Variants in PEX7 observed in about 807,000 individuals in gnomAD.
PEX7 encodes the protein peroxisomal biogenesis factor 7.
PEX7 carries 34 observed loss-of-function variants against 47.5 expected under a neutral mutation model. The observed-to-expected ratio is 0.72, with a 90% confidence interval of 0.54 to 0.95. The LOEUF is 0.95. Ranked by LOEUF, PEX7 falls within the 40% of genes least tolerant of loss-of-function variation. PEX7 has a pLI of 0.00. For missense variants in PEX7, 394 were observed against 400.3 expected (o/e 0.98, Z 0.13); for synonymous variants, 141 against 148.8 (o/e 0.95, Z 0.38).
intron 8 of PEX7, among the ~76,000 whole-genome samples, chr6:136,877,809 A>C (rs947778731): frequency 3.9e-5 from 6 of 152,164 alleles, no homozygotes; most frequent in African/African-American, 1.4e-4. Flanking sequence ...TCCATATGAA[A>C]TTTAAAGTAG....
chr6:136,854,646 A>G (rs1319217475), intron 5 of PEX7, among the ~76,000 whole-genome samples: 1 of 152,192 alleles, frequency 6.6e-6, no homozygotes, highest in African/African-American at 2.4e-5. Context: ...TCCAAGTCGA[A>G]TTAAAGTTCT....
At chr6:136,840,368 T>C (rs76032006) in intron 3 of PEX7, among the ~76,000 whole-genome samples, 3,040 of 152,266 alleles carry the variant, frequency 0.02, 108 homozygotes, top group African/African-American at 0.07. Flanking sequence ...TTTCTATTTA[T>C]ATATTTTTTG....
chr6:136,822,614 C>G lies in PEX7; in HGVS notation c.-52C>G, dbSNP rs1225187761. ...TCTAACCGCGCCAGTGTGCCTCCGA[C>G]TCGGAACGGCTTCCGCGGCCGGGGC... On this transcript the variant is annotated 5_prime_UTR_variant, in exon 1 of 10. Coordinates refer to ENST00000318471, the MANE Select transcript of PEX7 (RefSeq NM_000288.4). 6 of 1,500,204 alleles carry G rather than the reference C, an allele frequency of 4.0e-6. No homozygotes were observed. Among genetic ancestry groups the G allele is most frequent in the East Asian group, 2.5e-5 (1 of 39,840 alleles). The allele number at this position is 1,500,204 out of a possible 1,614,324, so 92.9% of individuals were successfully genotyped here. A position where few individuals can be genotyped will look rare whatever the true frequency, so the allele number is the denominator to read the frequency against.
intron 3 of PEX7, among the ~76,000 whole-genome samples, chr6:136,836,803 A>G (rs1774393098): frequency 6.6e-6 from 1 of 152,082 alleles, no homozygotes. Context: ...AAATACAAAA[A>G]TTAGCCGGGT....
intron 9 of PEX7, among the ~76,000 whole-genome samples, chr6:136,904,890 A>G (rs551472561): frequency 2.0e-5 from 3 of 152,074 alleles, no homozygotes; most frequent in East Asian, 1.9e-4. Context: ...TTCCTATTCA[A>G]TTTCCTTTCT....
intron 7 of PEX7, 106 bp downstream of exon 7, chr6:136,870,109 T>A: frequency 1.4e-6 from 1 of 701,362 alleles, no homozygotes; most frequent in East Asian, 2.9e-5. Flanking sequence ...AGTTACTAAT[T>A]CTTTTTTATA....
intron 8 of PEX7, among the ~76,000 whole-genome samples, chr6:136,892,503 G>C (rs1159879738): frequency 6.6e-6 from 1 of 152,148 alleles, no homozygotes; most frequent in East Asian, 1.9e-4. Flanking sequence ...TATAACCATG[G>C]ATTGCTTAAT....
At chr6:136,862,985 A>G (rs944257853) in intron 5 of PEX7, among the ~76,000 whole-genome samples, 5 of 152,198 alleles carry the variant, frequency 3.3e-5, no homozygotes, top group African/African-American at 9.6e-5. Flanking sequence ...GAAAGTCATG[A>G]GAGATCATTT....
chr6:136,840,798 CTG>C (rs1774483233), intron 3 of PEX7, among the ~76,000 whole-genome samples: 1 of 152,174 alleles, frequency 6.6e-6, no homozygotes, highest in Non-Finnish European at 1.5e-5. Flanking sequence ...AGCTTGTTCC[CTG>C]TTAAGGTCTT....
chr6:136,843,506 T>G (rs1000448155), intron 3 of PEX7, among the ~76,000 whole-genome samples: 1 of 152,178 alleles, frequency 6.6e-6, no homozygotes, highest in African/African-American at 2.4e-5. Context: ...CTATAAGAGC[T>G]GGGTTTAGTA....
At chr6:136,883,337 G>C (rs1198713533) in intron 8 of PEX7, among the ~76,000 whole-genome samples, 3 of 152,128 alleles carry the variant, frequency 2.0e-5, no homozygotes, top group African/African-American at 7.2e-5. Flanking sequence ...ACTAGCTTCA[G>C]TCCCTCCTTC....
rs1026925035 is a variant in PEX7, at chr6:136,913,628, A to C, written c.*102A>C. On this transcript the variant is annotated 3_prime_UTR_variant, in exon 10 of 10. Coordinates refer to ENST00000318471, the MANE Select transcript of PEX7 (RefSeq NM_000288.4). ...CATAGACATTATGCTTTTATATGCT[A>C]TTCAGATTTCAAATCTTTCCAATTT... The C allele has an allele frequency of 8.2e-6, 7 of 857,834 alleles. No homozygotes were observed. Among genetic ancestry groups the C allele is most frequent in the South Asian group, 8.1e-5 (6 of 74,200 alleles). The allele number at this position is 857,834 out of a possible 1,614,324, so 53.1% of individuals were successfully genotyped here. A position where few individuals can be genotyped will look rare whatever the true frequency, so the allele number is the denominator to read the frequency against.
At chr6:136,906,174 G>A (rs1775841677) in intron 9 of PEX7, among the ~76,000 whole-genome samples, 1 of 152,144 alleles carries the variant, frequency 6.6e-6, no homozygotes, top group Non-Finnish European at 1.5e-5. Flanking sequence ...TAGGAGCAAG[G>A]TGAGAACTGC....
In PEX7 at chr6:136,828,949, A is replaced by G. The variant is rs78106107; in HGVS notation, c.339+2480A>G. Among the ~76,000 whole-genome samples, 1,322 of 152,194 alleles carry G rather than the reference A, an allele frequency of 8.7e-3. 11 individuals are homozygous for G. Among genetic ancestry groups the G allele is most frequent in the African/African-American group, 0.031 (1,273 of 41,522 alleles). Reference sequence around the variant, plus strand: ...ACCGAAGACACACTTCTGTTTTTTAATTTTTTAAATTTGTTTTGCGTACTG... The same window carrying G: ...ACCGAAGACACACTTCTGTTTTTTAGTTTTTTAAATTTGTTTTGCGTACTG... On this transcript the variant is annotated intron_variant, in intron 3 of 9. Transcript: ENST00000318471.
chr6:136,894,842 A>G (rs140630922), intron 8 of PEX7, among the ~76,000 whole-genome samples: 1 of 152,258 alleles, frequency 6.6e-6, no homozygotes, highest in African/African-American at 2.4e-5. Flanking sequence ...GCAAAGAGAC[A>G]AAAAGGCACC....
At chr6:136,824,535 C>T (rs1330993723) in intron 1 of PEX7, among the ~76,000 whole-genome samples, 1 of 151,918 alleles carries the variant, frequency 6.6e-6, no homozygotes, top group African/African-American at 2.4e-5. Flanking sequence ...TGCAAAAACT[C>T]TTTAAAGGGA....
chr6:136,827,864 T>C (rs546523685), intron 3 of PEX7, among the ~76,000 whole-genome samples: 2 of 150,554 alleles, frequency 1.3e-5, no homozygotes, highest in African/African-American at 4.9e-5. Context: ...TTTGTTGTTG[T>C]TTTTTTTTGT....
In PEX7 at chr6:136,913,816, G is replaced by A; in HGVS notation, c.*290G>A. The stretch of plus-strand genomic sequence containing the variant: ...TCATAAAATGGATTAAAATATGGGA[G>A]ATCAGTAGGTTATACTTATATAGAT... On this transcript the variant is annotated 3_prime_UTR_variant, in exon 10 of 10. Coordinates refer to ENST00000318471, the MANE Select transcript of PEX7 (RefSeq NM_000288.4). 2.8e-6 allele frequency: 1 copy of A among 357,470 alleles called. No individual in the cohort carries two copies. The highest frequency in any genetic ancestry group is 3.8e-5 in the South Asian group (1 of 26,440). The allele number at this position is 357,470 out of a possible 1,614,324, so 22.1% of individuals were successfully genotyped here. A position where few individuals can be genotyped will look rare whatever the true frequency, so the allele number is the denominator to read the frequency against.
intron 3 of PEX7, chr6:136,830,073 G>T: frequency 1.4e-6 from 1 of 714,778 alleles, no homozygotes; most frequent in South Asian, 1.5e-5. Context: ...CTGTGGAAGA[G>T]AGTATATAAT....
Sources: allele counts gnomAD v4.1 joint callset (sites outside exome capture counted in the v4.1 genomes callset), GRCh38; gene constraint gnomAD v4.1.1; transcripts MANE v1.5; gene names NCBI Gene and HGNC (gene_info 2026-07-23, HGNC 2026-07-21).